The following C12orf42 variants were observed in gnomAD, a reference collection of about 807,000 sequenced individuals.
C12orf42 encodes the protein chromosome 12 open reading frame 42.
A neutral mutation model predicts 21.6 loss-of-function variants in C12orf42; 25 were observed. The observed-to-expected ratio is 1.16, with a 90% CI of 0.84 to 1.62. The LOEUF (loss-of-function observed/expected upper bound fraction) is 1.62. Ranked by LOEUF, C12orf42 falls within the 40% of genes most tolerant of loss-of-function variation. The pLI, the probability that C12orf42 is intolerant of heterozygous loss-of-function variation, is 0.00. For missense variants in C12orf42, 483 were observed against 459.3 expected (o/e 1.05, Z -0.47); for synonymous variants, 174 against 175.0 (o/e 0.99, Z 0.05).
At chr12:103,298,236 T>C (rs570363611), downstream of C12orf42, among the ~76,000 whole-genome samples, 17 of 152,258 alleles carry the variant, frequency 1.1e-4, 1 homozygote, top group Non-Finnish European at 1.9e-4. Flanking sequence ...CTCCTTAAGC[T>C]GATAAGCAAC....
the C12orf42 span, among the ~76,000 whole-genome samples, chr12:103,064,051 A>G: frequency 6.6e-6 from 1 of 152,210 alleles, no homozygotes; most frequent in Non-Finnish European, 1.5e-5. Flanking sequence ...CACTTGGTTT[A>G]CTGTAGAGAA....
chr12:103,490,194 A>G (rs1029052280), intron 1 of C12orf42, among the ~76,000 whole-genome samples: 2 of 152,186 alleles, frequency 1.3e-5, no homozygotes, highest in African/African-American at 4.8e-5. Flanking sequence ...TATCTTCTGT[A>G]TTGCCATTAA....
At chr12:103,405,048 T>C (rs570167128) in intron 2 of C12orf42, among the ~76,000 whole-genome samples, 27 of 152,298 alleles carry the variant, frequency 1.8e-4, no homozygotes, top group African/African-American at 6.5e-4. Context: ...TGTAACATGA[T>C]TCTCCAGATG....
chr12:103,224,715 T>C, the C12orf42 span, among the ~76,000 whole-genome samples: 6 of 152,116 alleles, frequency 3.9e-5, no homozygotes, highest in South Asian at 1.2e-3. Context: ...GAGTTGAGCA[T>C]AGTTTGTGAT....
intron 10 of C12orf42, among the ~76,000 whole-genome samples, chr12:103,259,632 TTAAC>T (rs1277063170): frequency 6.6e-6 from 1 of 152,216 alleles, no homozygotes; most frequent in Non-Finnish European, 1.5e-5. Context: ...AGGTTTTTGT[TTAAC>T]TATTCGTAAG....
At chr12:103,459,451 G>A (rs947274621) in intron 2 of C12orf42, among the ~76,000 whole-genome samples, 7 of 152,014 alleles carry the variant, frequency 4.6e-5, no homozygotes, top group African/African-American at 1.7e-4. Context: ...TGTTTTAAGT[G>A]TGTGGCACCT....
At chr12:103,309,907 G>A (rs1396862412) in intron 4 of C12orf42, among the ~76,000 whole-genome samples, 1 of 152,234 alleles carries the variant, frequency 6.6e-6, no homozygotes, top group African/African-American at 2.4e-5. Flanking sequence ...GAGGCCAGGC[G>A]GATGACAGAA....
the C12orf42 span, among the ~76,000 whole-genome samples, chr12:103,205,486 GC>G: frequency 1.3e-5 from 2 of 152,090 alleles, no homozygotes; most frequent in Non-Finnish European, 2.9e-5. Flanking sequence ...GGAAAAACTT[GC>G]CCCCATGATT....
the C12orf42 span, among the ~76,000 whole-genome samples, chr12:103,209,928 A>C: frequency 1.3e-5 from 2 of 152,148 alleles, no homozygotes; most frequent in African/African-American, 4.8e-5. Context: ...AACCACACAC[A>C]CATAGTTTAA....
the C12orf42 span, among the ~76,000 whole-genome samples, chr12:103,202,361 C>T: frequency 6.6e-6 from 1 of 152,132 alleles, no homozygotes; most frequent in African/African-American, 2.4e-5. Flanking sequence ...AATGGGTCTA[C>T]CCATTCTTCA....
At chr12:103,153,884 T>C in the C12orf42 span, among the ~76,000 whole-genome samples, 1 of 152,008 alleles carries the variant, frequency 6.6e-6, no homozygotes, top group Non-Finnish European at 1.5e-5. Flanking sequence ...CTATTCACAG[T>C]AGTCCAAAAC....
At chr12:103,289,548 T>C (rs1038308194) in intron 4 of C12orf42, among the ~76,000 whole-genome samples, 1 of 152,162 alleles carries the variant, frequency 6.6e-6, no homozygotes, top group African/African-American at 2.4e-5. Flanking sequence ...TTCATAAAAA[T>C]TTTTCCTATA....
At position 103,462,973 on chromosome 12, in the gene C12orf42, T is replaced by C. The variant is rs116249247; in HGVS notation, c.78+15376A>G. Among the ~76,000 whole-genome samples, 838 of 152,368 alleles carry C rather than the reference T, an allele frequency of 5.5e-3. 10 individuals are homozygous for C. The highest frequency in any genetic ancestry group is 0.019 in the African/African-American group (791 of 41,590). On this transcript the variant is annotated intron_variant, in intron 2 of 5. Coordinates refer to ENST00000548883, the MANE Select transcript of C12orf42 (RefSeq NM_198521.5). The stretch of plus-strand genomic sequence containing the variant: ...TTCAGGTTGTGTCACTTGCTATCTT[T>C]GTGTAATTCAGCAAAACGCTTAAGT...
intron 10 of C12orf42, among the ~76,000 whole-genome samples, chr12:103,256,103 TATATATATACAC>T (rs1565998137): frequency 7.0e-5 from 4 of 57,184 alleles, no homozygotes; most frequent in African/African-American, 1.5e-4. Flanking sequence ...TATATATATA[TATATATATACAC>T]ACACACACAC....
chr12:103,483,730 G>T (rs1028426625), intron 1 of C12orf42, among the ~76,000 whole-genome samples: 1 of 151,892 alleles, frequency 6.6e-6, no homozygotes, highest in East Asian at 1.9e-4. Flanking sequence ...TGTTAGATAG[G>T]TATACATGTG....
At chr12:103,539,498 C>T in the C12orf42 span, among the ~76,000 whole-genome samples, 2 of 152,108 alleles carry the variant, frequency 1.3e-5, no homozygotes, top group Non-Finnish European at 2.9e-5. Flanking sequence ...AATCATTATA[C>T]TGAATCTTGT....
At chr12:103,487,837 G>A (rs2138150667) in intron 1 of C12orf42, among the ~76,000 whole-genome samples, 1 of 152,090 alleles carries the variant, frequency 6.6e-6, no homozygotes, top group East Asian at 1.9e-4. Flanking sequence ...TTTACTTTGA[G>A]CCTATGTGTG....
intron 4 of C12orf42, among the ~76,000 whole-genome samples, chr12:103,356,487 G>A (rs572605537): frequency 2.0e-5 from 3 of 152,096 alleles, no homozygotes; most frequent in Admixed American, 6.6e-5. Context: ...ATAAACATAC[G>A]TGTCCATGTG....
chr12:103,110,695 T>A, the C12orf42 span, among the ~76,000 whole-genome samples: 1 of 152,196 alleles, frequency 6.6e-6, no homozygotes, highest in African/African-American at 2.4e-5. Flanking sequence ...CTTTATGAGT[T>A]ATAATACAAA....
Sources: allele counts gnomAD v4.1 joint callset (sites outside exome capture counted in the v4.1 genomes callset), GRCh38; gene constraint gnomAD v4.1.1; transcripts MANE v1.5; gene names NCBI Gene and HGNC (gene_info 2026-07-23, HGNC 2026-07-21).